Variants in PC observed in about 807,000 individuals in gnomAD.
PC encodes pyruvate carboxylase, also known as pyruvate carboxylase, mitochondrial.
Under a neutral mutation model 107.8 loss-of-function variants are expected in PC, and 46 were observed. That is an observed-to-expected ratio of 0.43 (90% CI 0.34 to 0.55). The LOEUF is 0.55. Among genes scored for constraint, PC ranks in the 20% least tolerant of loss-of-function variants. The probability of loss-of-function intolerance (pLI) is 0.04; values close to 1 mark genes in which losing one functional copy is unlikely to be tolerated. For missense variants in PC, 1,241 were observed against 1,643.1 expected, an observed-to-expected ratio of 0.76 and a Z score of 4.23; for synonymous variants, 662 against 684.7, an observed-to-expected ratio of 0.97 and a Z score of 0.52.
intron 3 of PC, among the ~76,000 whole-genome samples, chr11:66,890,078 T>C (rs1053666614): frequency 6.6e-6 from 1 of 152,214 alleles, no homozygotes; most frequent in African/African-American, 2.4e-5. Flanking sequence ...ATTCCTATGC[T>C]GAAACCCTAA....
At chr11:66,856,295 C>A (rs542473846) in intron 12 of PC, among the ~76,000 whole-genome samples, 73 of 152,330 alleles carry the variant, frequency 4.8e-4, no homozygotes, top group Non-Finnish European at 6.9e-4. Context: ...GTTGGGAAGC[C>A]GCGCCGCGCA....
intron 2 of PC, among the ~76,000 whole-genome samples, chr11:66,953,536 G>A (rs1311779162): frequency 6.6e-6 from 1 of 152,096 alleles, no homozygotes; most frequent in Non-Finnish European, 1.5e-5. Context: ...ACCTACCCTA[G>A]CCACTAGTCA....
At chr11:66,860,040 T>C (rs1433372561) in intron 12 of PC, 1 of 1,579,174 alleles carries the variant, frequency 6.3e-7, no homozygotes, top group Non-Finnish European at 8.6e-7. Context: ...GCGCAGCTGC[T>C]CTCTGGACCT....
chr11:66,883,019 G>A (rs1444292580), intron 3 of PC, among the ~76,000 whole-genome samples: 1 of 152,178 alleles, frequency 6.6e-6, no homozygotes, highest in Non-Finnish European at 1.5e-5. Flanking sequence ...GACACAGCAC[G>A]GGTGCTCGCC....
Position 66,866,295 on chromosome 11 carries a change from G to T in PC, c.1077C>A (p.Asp359Glu), listed in dbSNP as rs756391188. The T allele has an allele frequency of 6.2e-7, 1 of 1,613,366 alleles. No homozygotes were observed. The highest frequency in any genetic ancestry group is 8.5e-7 in the Non-Finnish European group (1 of 1,179,902). ...IHVAEGRSLP[D>E]LGLRQENIRI... ...GGATGTTCTCCTGCCGCAGGCCCAG[G>T]TCGGGTAGGCTCCTGCCCTCAGCCA... The change falls in exon 11 of 23, where the codon GAC becomes GAA. Residue 359 changes from aspartate to glutamate, a missense_variant. Around this residue, in one of 2 missense-constraint regions of PC, gnomAD observed 1,143 missense variants for 1,551.9 expected, o/e 0.74. Transcript: ENST00000393960. This position sits in a 1 kb window ranked among gnomAD's most constrained non-coding sequence, Gnocchi z 5.4.
chr11:66,856,371 C>A (rs1422931463), intron 12 of PC, among the ~76,000 whole-genome samples: 1 of 149,986 alleles, frequency 6.7e-6, no homozygotes, highest in Non-Finnish European at 1.5e-5. Context: ...GCGGGCGGGG[C>A]AGCTGGGGAG....
At chr11:66,899,390 T>A (rs1947871248) in intron 3 of PC, among the ~76,000 whole-genome samples, 2 of 152,146 alleles carry the variant, frequency 1.3e-5, no homozygotes, top group South Asian at 4.2e-4. Flanking sequence ...GGTCCCATAA[T>A]ATTATTGATT....
At position 66,871,629 on chromosome 11, in the gene PC, C is replaced by G; in HGVS notation, c.321+58G>C. 1 of 1,559,786 alleles carries G rather than the reference C, an allele frequency of 6.4e-7. No homozygotes were observed. The highest frequency in any genetic ancestry group is 8.7e-7 in the Non-Finnish European group (1 of 1,148,308). On this transcript the variant is annotated intron_variant, in intron 5 of 22. Transcript: ENST00000393960. This position sits in a 1 kb window ranked among gnomAD's most constrained non-coding sequence, Gnocchi z 7.4. ...GCACGCCAGCCTCAAGAGACCCCCG[C>G]GGCAACTAAGACTCCCTGGTCCCTG...
rs76935867 is a variant in PC, at chr11:66,906,474, G to A, written c.1-34315C>T. Among the ~76,000 whole-genome samples the A allele has an allele frequency of 1.6e-4, 25 of 152,260 alleles. No individual in the cohort carries two copies. In the East Asian group the frequency reaches 3.3e-3, roughly 20 times the overall value. ...ACCACCTGACAGAGAACAAAGCCAC[G>A]GTGCTCAATCCCTCCACCCCTGGCC... is the stretch of plus-strand genomic sequence containing the variant. On this transcript the variant is annotated intron_variant, in intron 3 of 22. Transcript: ENST00000393960.
At chr11:66,926,967 A>G (rs970163000) in intron 3 of PC, among the ~76,000 whole-genome samples, 1 of 151,302 alleles carries the variant, frequency 6.6e-6, no homozygotes, top group Non-Finnish European at 1.5e-5. Flanking sequence ...GTTGATGAAC[A>G]TCTGGGTTGT....
Position 66,870,537 on chromosome 11 carries a change from T to TGG in PC, c.752-85_752-84insCC. ...CCCCATCACCCCCACATAACCACTG[T>TGG]CGCCAGTCAGTGCCGGCTGCCAGCG... On this transcript the variant is annotated intron_variant, in intron 8 of 22. Transcript: ENST00000393960. This position sits in a 1 kb window ranked among gnomAD's most constrained non-coding sequence, Gnocchi z 6.1. The TGG allele has an allele frequency of 6.7e-7, 1 of 1,490,866 alleles. No homozygotes were observed. Among genetic ancestry groups the TGG allele is most frequent in the Non-Finnish European group, 9.2e-7 (1 of 1,085,052 alleles). 92.4% of individuals were successfully genotyped at this position (1,490,866 alleles called of 1,614,324 possible). A position where few individuals can be genotyped will look rare whatever the true frequency, so the allele number is the denominator to read the frequency against.
chr11:66,950,519 T>C (rs912204658), intron 3 of PC, among the ~76,000 whole-genome samples: 1 of 152,158 alleles, frequency 6.6e-6, no homozygotes, highest in Non-Finnish European at 1.5e-5. Flanking sequence ...GCCACATCCA[T>C]GTCCCCCCAG....
Position 66,857,125 on chromosome 11 carries a change from C to T in PC, c.1369-3742G>A, listed in dbSNP as rs1002849907. On this transcript the variant is annotated intron_variant, in intron 12 of 22. Coordinates refer to ENST00000393960, the MANE Select transcript of PC (RefSeq NM_001040716.2). The surrounding 1 kb of genome is among the most constrained non-coding windows in gnomAD (Gnocchi z 7.1). ...CGCTAACCGCGCCGGGAAAAGGTGC[C>T]GGGAACCGAGCGAGCCGGGGCCGCG... The T allele has an allele frequency of 6.1e-5, 9 of 147,800 alleles. No individual in the cohort carries two copies. Among genetic ancestry groups the T allele is most frequent in the Admixed American group, 1.3e-4 (2 of 14,896 alleles). 9.2% of individuals were successfully genotyped at this position (147,800 alleles called of 1,614,324 possible). A position where few individuals can be genotyped will look rare whatever the true frequency, so the allele number is the denominator to read the frequency against.
intron 3 of PC, among the ~76,000 whole-genome samples, chr11:66,949,983 G>C (rs1591319261): frequency 6.6e-6 from 1 of 152,102 alleles, no homozygotes; most frequent in South Asian, 2.1e-4. Context: ...TAGTCTCTCT[G>C]AACCTCTGGT....
At position 66,850,759 on chromosome 11, in the gene PC, C is replaced by T. The variant is rs747398140; in HGVS notation, c.2388G>A (p.Val796=). ...TCATCCCAGACATGGAATCAGCTGC[C>T]ACATCCACCACATCAGCTCCAGCCT... The part of the protein sequence containing the change: ...CAQAGADVVD[V]AADSMSGMTS... Residue 796 remains valine, a synonymous_variant, in exon 18 of 23, where the codon GTG becomes GTA. Transcript: ENST00000393960. The T allele has an allele frequency of 3.1e-6, 5 of 1,611,368 alleles. No individual in the cohort carries two copies. The highest frequency in any genetic ancestry group is 4.2e-6 in the Non-Finnish European group (5 of 1,179,938).
intron 3 of PC, among the ~76,000 whole-genome samples, chr11:66,926,266 G>A (rs1350029562): frequency 6.6e-6 from 1 of 152,140 alleles, no homozygotes; most frequent in Non-Finnish European, 1.5e-5. Flanking sequence ...AACAGTTTAA[G>A]GAATATTTTC....
In PC at chr11:66,852,718, C is replaced by G. The variant is rs1485292161; in HGVS notation, c.1603+29G>C. On this transcript the variant is annotated intron_variant, in intron 14 of 22. Coordinates refer to ENST00000393960, the MANE Select transcript of PC (RefSeq NM_001040716.2). This position sits in a 1 kb window ranked among gnomAD's most constrained non-coding sequence, Gnocchi z 4.7. The stretch of plus-strand genomic sequence containing the variant: ...GCAGGTGGCAACCTCCTGTCTCCCC[C>G]ATGAGTTGACAGAATGGATCTCACC... 2 of 1,608,814 alleles carry G rather than the reference C, an allele frequency of 1.2e-6. No individual in the cohort carries two copies. The highest frequency in any genetic ancestry group is 1.7e-6 in the Non-Finnish European group (2 of 1,175,800).
chr11:66,894,793 G>T (rs1285680653), intron 3 of PC, among the ~76,000 whole-genome samples: 1 of 152,172 alleles, frequency 6.6e-6, no homozygotes, highest in African/African-American at 2.4e-5. Context: ...AGGCCAAGGC[G>T]GGTGGATCAC....
chr11:66,865,048 G>C (rs1174751996), intron 11 of PC, among the ~76,000 whole-genome samples: 3 of 152,262 alleles, frequency 2.0e-5, no homozygotes, highest in Non-Finnish European at 4.4e-5. Context: ...TGAAGAGCCA[G>C]GGCTTGGAAG....
Sources: allele counts gnomAD v4.1 joint callset (sites outside exome capture counted in the v4.1 genomes callset), GRCh38; gene constraint gnomAD v4.1.1; regional missense constraint gnomAD v4.1.1; non-coding constraint Gnocchi (gnomAD v3.1); transcripts MANE v1.5; gene names NCBI Gene and HGNC (gene_info 2026-07-23, HGNC 2026-07-21).